DGKH: variants seen among roughly 807,000 people sequenced by gnomAD.
DGKH encodes DAG kinase eta.
A neutral mutation model predicts 159.3 loss-of-function variants in DGKH; 90 were observed. The observed-to-expected ratio is 0.57, with a 90% CI of 0.48 to 0.67. DGKH has a LOEUF of 0.67. Ranked by LOEUF, DGKH falls within the 30% of genes least tolerant of loss-of-function variation. DGKH has a pLI of 0.00. For synonymous variants in DGKH, 536 were observed against 553.8 expected, an observed-to-expected ratio of 0.97 and a Z score of 0.45; for missense variants, 1,181 against 1,506.1, an observed-to-expected ratio of 0.78 and a Z score of 3.57.
intron 1 of DGKH, among the ~76,000 whole-genome samples, chr13:42,057,163 CTGTT>C (rs66506026): frequency 0.18 from 26,604 of 151,890 alleles, 2,460 homozygotes; most frequent in East Asian, 0.31. Context: ...TCAAAGAAAA[CTGTT>C]AGTTTCACTT....
chr13:42,206,746 T>C (rs1957482647), intron 21 of DGKH, among the ~76,000 whole-genome samples: 1 of 152,164 alleles, frequency 6.6e-6, no homozygotes, highest in South Asian at 2.1e-4. Flanking sequence ...CTCTCTGATG[T>C]CTGCTGCTTC....
At chr13:42,245,593 GTT>G (rs201351310), downstream of DGKH, among the ~76,000 whole-genome samples, 7 of 148,452 alleles carry the variant, frequency 4.7e-5, no homozygotes, top group African/African-American at 7.4e-5. Context: ...CAATACTTTT[GTT>G]TTTTTTTTGA....
intron 30 of DGKH, among the ~76,000 whole-genome samples, chr13:42,254,882 G>A (rs917388989): frequency 2.6e-5 from 4 of 151,916 alleles, no homozygotes; most frequent in South Asian, 2.1e-4. Flanking sequence ...CCATCTTTAT[G>A]CATTTCTTTT....
chr13:42,066,721 T>C (rs1178760141), intron 1 of DGKH: 3 of 152,238 alleles, frequency 2.0e-5, no homozygotes, highest in Non-Finnish European at 4.4e-5. Flanking sequence ...CACCCTTTCA[T>C]GACGTGGTTT....
At chr13:42,056,572 G>T (rs1389361228) in intron 1 of DGKH, among the ~76,000 whole-genome samples, 1 of 152,182 alleles carries the variant, frequency 6.6e-6, no homozygotes, top group East Asian at 1.9e-4. Flanking sequence ...TTTTATAAAT[G>T]ATTATACAAA....
chr13:42,256,234 G>C (rs1336995627), intron 30 of DGKH: 1 of 1,507,674 alleles, frequency 6.6e-7, no homozygotes, highest in East Asian at 2.3e-5. Context: ...TCAAGCCAAT[G>C]ATGATTAAAA....
At chr13:42,217,385 G>A (rs1229863827) in intron 26 of DGKH, among the ~76,000 whole-genome samples, 2 of 151,680 alleles carry the variant, frequency 1.3e-5, no homozygotes, top group African/African-American at 4.8e-5. Flanking sequence ...GACTACAATC[G>A]CGCACCACCA....
chr13:42,079,674 T>G (rs1354051131), intron 1 of DGKH, among the ~76,000 whole-genome samples: 3 of 152,182 alleles, frequency 2.0e-5, no homozygotes, highest in Non-Finnish European at 4.4e-5. Flanking sequence ...CCCTGTCCCC[T>G]CCCACCACCT....
chr13:42,114,506 C>G (rs1210926993), intron 1 of DGKH, among the ~76,000 whole-genome samples: 1 of 152,140 alleles, frequency 6.6e-6, no homozygotes, highest in Admixed American at 6.5e-5. Context: ...GGCCTCTGCT[C>G]TCGCTGAGCA....
chr13:42,223,938 A>T (rs1417979691), intron 29 of DGKH, among the ~76,000 whole-genome samples: 1 of 152,016 alleles, frequency 6.6e-6, no homozygotes, highest in Non-Finnish European at 1.5e-5. Flanking sequence ...CTATCATTCC[A>T]CTAGGTCCTT....
At chr13:42,047,282 T>G (rs1361315047), upstream of DGKH, among the ~76,000 whole-genome samples, 1 of 152,200 alleles carries the variant, frequency 6.6e-6, no homozygotes, top group Non-Finnish European at 1.5e-5. Context: ...CTTAGAACTG[T>G]TAGCTCTAAT....
chr13:42,061,250 A>G (rs1161727201), intron 1 of DGKH, among the ~76,000 whole-genome samples: 1 of 152,094 alleles, frequency 6.6e-6, no homozygotes, highest in African/African-American at 2.4e-5. Context: ...TTTCCCGTTG[A>G]TCTGCGCCAT....
intron 1 of DGKH, among the ~76,000 whole-genome samples, chr13:42,124,380 G>T (rs1955131096): frequency 6.6e-6 from 1 of 152,054 alleles, no homozygotes; most frequent in African/African-American, 2.4e-5. Context: ...TGTTATGCAT[G>T]TGTTTTAATT....
chr13:42,198,175 A>C (rs779370507), intron 17 of DGKH, among the ~76,000 whole-genome samples: 1 of 152,198 alleles, frequency 6.6e-6, no homozygotes, highest in African/African-American at 2.4e-5. Context: ...AAAGGAAGTA[A>C]AATGTATTTG....
intron 12 of DGKH, among the ~76,000 whole-genome samples, chr13:42,176,052 G>T (rs983823176): frequency 2.0e-5 from 3 of 152,176 alleles, no homozygotes; most frequent in Non-Finnish European, 4.4e-5. Context: ...CTAAGTGACT[G>T]CATAGTAGGT....
Position 42,168,426 on chromosome 13 carries a change from C to CT in DGKH, c.1119-9dup. 6.2e-7 allele frequency: 1 copy of CT among 1,602,978 alleles called. No homozygotes were observed. Among genetic ancestry groups the CT allele is most frequent in the Non-Finnish European group, 8.5e-7 (1 of 1,172,524 alleles). On this transcript the variant is annotated splice_polypyrimidine_tract_variant and intron_variant, in intron 9 of 29. Coordinates refer to ENST00000337343, the MANE Select transcript of DGKH (RefSeq NM_178009.5). ...TATTTCTTTATACTAAAATAAAATC[C>CT]TTTTTGCTTTCAGTTTAAGATTATT... is the stretch of plus-strand genomic sequence containing the variant.
intron 3 of DGKH, among the ~76,000 whole-genome samples, chr13:42,148,108 G>A (rs576154343): frequency 8.5e-5 from 13 of 152,106 alleles, no homozygotes; most frequent in Non-Finnish European, 1.6e-4. Context: ...TCATTCTCTC[G>A]TAGATGGCTA....
intron 1 of DGKH, among the ~76,000 whole-genome samples, chr13:42,085,522 T>C (rs777055768): frequency 3.3e-5 from 5 of 151,356 alleles, no homozygotes; most frequent in Non-Finnish European, 7.4e-5. Flanking sequence ...TGCTATGATA[T>C]GGCAGACCTA....
intron 1 of DGKH, among the ~76,000 whole-genome samples, chr13:42,041,614 C>T (rs1880510646): frequency 6.6e-6 from 1 of 152,190 alleles, no homozygotes; most frequent in African/African-American, 2.4e-5. Context: ...TTTGTTCCCT[C>T]AAACTCCCTC....
Sources: gnomAD v4.1 joint callset for allele counts (sites outside exome capture counted in the v4.1 genomes callset) on GRCh38, gnomAD v4.1.1 for gene constraint, MANE v1.5 for transcripts, NCBI Gene and HGNC (gene_info 2026-07-23, HGNC 2026-07-21) for gene names.